Variants in FUT4 observed in about 807,000 individuals in gnomAD.
The protein encoded by FUT4 is fucosyltransferase 4, also known as alpha-(1,3)-fucosyltransferase 4.
FUT4 carries 1 observed loss-of-function variant against 3.8 expected under a neutral mutation model. The ratio of observed to expected loss-of-function variants is 0.26; its 90% CI spans 0.09 to 1.25. The LOEUF is 1.25. Among genes scored for constraint, FUT4 ranks in the 50% most tolerant of loss-of-function variants. The probability of loss-of-function intolerance (pLI) is 0.47; values close to 1 mark genes in which losing one functional copy is unlikely to be tolerated. For synonymous variants in FUT4, 417 were observed against 355.3 expected, an observed-to-expected ratio of 1.17 and a Z score of -1.95; for missense variants, 880 against 768.2, an observed-to-expected ratio of 1.15 and a Z score of -1.72.
chr11:94,546,091 C>T lies in FUT4; in HGVS notation c.*365C>T, dbSNP rs1947858801. 5.2e-6 allele frequency: 2 copies of T among 385,310 alleles called. No individual in the cohort carries two copies. Among genetic ancestry groups the T allele is most frequent in the East Asian group, 6.9e-5 (1 of 14,478 alleles). 23.9% of individuals were successfully genotyped at this position (385,310 alleles called of 1,614,324 possible). A position where few individuals can be genotyped will look rare whatever the true frequency, so the allele number is the denominator to read the frequency against. ...ATCTGCCACAGGCCATATTTGTGGC[C>T]CGTGCAGCTTCCAAATCTCATACAC... On this transcript the variant is annotated 3_prime_UTR_variant, in exon 1 of 1. Transcript: ENST00000358752.
At position 94,544,913 on chromosome 11, in the gene FUT4, C is replaced by G. The variant is rs745830051; in HGVS notation, c.780C>G (p.Ala260=). Residue 260 remains alanine, a synonymous_variant, in exon 1 of 1, where the codon GCC becomes GCG. Transcript: ENST00000358752. ...PPPWGIQAHT[A]EEVDLRVLDY... Reference sequence around the variant, plus strand: ...CCTGGGGCATCCAGGCGCACACTGCCGAGGAGGTGGATCTGCGCGTGTTGG... The same window carrying G: ...CCTGGGGCATCCAGGCGCACACTGCGGAGGAGGTGGATCTGCGCGTGTTGG... The G allele has an allele frequency of 4.4e-6, 7 of 1,608,710 alleles. No individual in the cohort carries two copies. Among genetic ancestry groups the G allele is most frequent in the South Asian group, 2.2e-5 (2 of 90,652 alleles).
Position 94,544,450 on chromosome 11 carries a change from G to T in FUT4, c.317G>T (p.Cys106Phe). 2 of 1,509,506 alleles carry T rather than the reference G, an allele frequency of 1.3e-6. No individual in the cohort carries two copies. Among genetic ancestry groups the T allele is most frequent in the South Asian group, 1.2e-5 (1 of 82,068 alleles). The allele number at this position is 1,509,506 out of a possible 1,614,324, so 93.5% of individuals were successfully genotyped here. ...LEPQLQHESR[C>F]RSSTPADAWR... is the part of the protein sequence containing the mutation. ...CCGCAGCTACAGCATGAGAGCCGGT[G>T]CCGCTCCTCCACGCCTGCGGACGCG... The change falls in exon 1 of 1, where the codon TGC becomes TTC. Residue 106 changes from cysteine to phenylalanine, a missense_variant. Physicochemically the swap from Cys to Phe is radical, Grantham distance 205. Coordinates refer to ENST00000358752, the MANE Select transcript of FUT4 (RefSeq NM_002033.4).
chr11:94,545,206 CA>C lies in FUT4; in HGVS notation c.1074del (p.Trp359GlyfsTer3), dbSNP rs1565259152. ...CTGTCCAGGAAACAGGGGCTGGTGG[CA>C]TGGGTGGTGAGCCACTGGGACGAGC... ...PPLSRKQGLV[A>X]WVVSHWDERQ... On this transcript the variant is annotated frameshift_variant, in exon 1 of 1. Transcript: ENST00000358752. LOFTEE classifies it low-confidence loss of function (END_TRUNC). 1 of 1,610,996 alleles carries C rather than the reference CA, an allele frequency of 6.2e-7. No homozygotes were observed. The highest frequency in any genetic ancestry group is 1.1e-5 in the South Asian group (1 of 91,034).
rs1947857907 is a variant in FUT4, at chr11:94,546,015, T to A, written c.*289T>A. 3.8e-6 allele frequency: 2 copies of A among 520,486 alleles called. No individual in the cohort carries two copies. Among genetic ancestry groups the A allele is most frequent in the Admixed American group, 5.9e-5 (2 of 33,730 alleles). The allele number at this position is 520,486 out of a possible 1,614,324, so 32.2% of individuals were successfully genotyped here. On this transcript the variant is annotated 3_prime_UTR_variant, in exon 1 of 1. Coordinates refer to ENST00000358752, the MANE Select transcript of FUT4 (RefSeq NM_002033.4). Reference sequence around the variant, plus strand: ...CCTCACCTTGTAACCAGTGCAGAAATGAAATAGCTTAGCGGCAAGAAGCCG... The same window carrying A: ...CCTCACCTTGTAACCAGTGCAGAAAAGAAATAGCTTAGCGGCAAGAAGCCG...
At position 94,544,716 on chromosome 11, in the gene FUT4, T is replaced by C; in HGVS notation, c.583T>C (p.Trp195Arg). Reference sequence around the variant, plus strand: ...GCGACCGGTGGGCGTGCTGCTGTGGTGGGAGCCCTTCGGGGGGCGCGATAG... The same window carrying C: ...GCGACCGGTGGGCGTGCTGCTGTGGCGGGAGCCCTTCGGGGGGCGCGATAG... ...PSRPVGVLLW[W>R]EPFGGRDSAP... The change falls in exon 1 of 1, where the codon TGG becomes CGG. Residue 195 changes from tryptophan (W) to arginine (R), a missense_variant. Physicochemically the swap from Trp to Arg is moderately radical, Grantham distance 101 (BLOSUM62 -3). Coordinates refer to ENST00000358752, the MANE Select transcript of FUT4 (RefSeq NM_002033.4). 1.3e-6 allele frequency: 2 copies of C among 1,528,074 alleles called. No homozygotes were observed. The highest frequency in any genetic ancestry group is 1.7e-6 in the Non-Finnish European group (2 of 1,145,450). The allele number at this position is 1,528,074 out of a possible 1,614,324, so 94.7% of individuals were successfully genotyped here.
chr11:94,547,220 C>A lies in FUT4; in HGVS notation c.*1494C>A, dbSNP rs1226031887. 1 of 166,930 alleles carries A rather than the reference C, an allele frequency of 6.0e-6. No individual in the cohort carries two copies. The highest frequency in any genetic ancestry group is 1.5e-5 in the Non-Finnish European group (1 of 68,110). The allele number at this position is 166,930 out of a possible 1,614,324, so 10.3% of individuals were successfully genotyped here. ...TTAGGGCTCTTACAATCTATCACTTCCAAAAAGTAAATGGTGACTGATAAA... is the reference window on the plus strand; with the variant it reads ...TTAGGGCTCTTACAATCTATCACTTACAAAAAGTAAATGGTGACTGATAAA... On this transcript the variant is annotated 3_prime_UTR_variant, in exon 1 of 1. Coordinates refer to ENST00000358752, the MANE Select transcript of FUT4 (RefSeq NM_002033.4).
rs1947864732 is a variant in FUT4, at chr11:94,546,657, CAGAAG to C, written c.*937_*941del. On this transcript the variant is annotated 3_prime_UTR_variant, in exon 1 of 1. Transcript: ENST00000358752. ...CAGAAAACCAGTCTGTGTTTACAGA[CAGAAG>C]AGAAGGAAGCCATAGTGTCACTTCC... 6.0e-6 allele frequency: 1 copy of C among 166,366 alleles called. No individual in the cohort carries two copies. The highest frequency in any genetic ancestry group is 6.6e-5 in the Admixed American group (1 of 15,262). The allele number at this position is 166,366 out of a possible 1,614,324, so 10.3% of individuals were successfully genotyped here.
Position 94,547,623 on chromosome 11 carries a change from GAATTAC to G in FUT4, c.*1906_*1911del, listed in dbSNP as rs1433005328. 1.2e-5 allele frequency: 2 copies of G among 167,004 alleles called. No homozygotes were observed. Among genetic ancestry groups the G allele is most frequent in the Admixed American group, 6.5e-5 (1 of 15,290 alleles). 10.3% of individuals were successfully genotyped at this position (167,004 alleles called of 1,614,324 possible). A position where few individuals can be genotyped will look rare whatever the true frequency, so the allele number is the denominator to read the frequency against. On this transcript the variant is annotated 3_prime_UTR_variant, in exon 1 of 1. Transcript: ENST00000358752. ...TCATTAAAGTATTAAAGTGTGGGCAGAATTACAATTACAAAGTGCCAGCCACCGAAT... is the reference window on the plus strand; with the variant it reads ...TCATTAAAGTATTAAAGTGTGGGCAGAATTACAAAGTGCCAGCCACCGAAT...
Position 94,545,581 on chromosome 11 carries a change from G to A in FUT4, c.1448G>A (p.Arg483His), listed in dbSNP as rs1421974728. 35 of 1,613,342 alleles carry A rather than the reference G, an allele frequency of 2.2e-5. No homozygotes were observed. The highest frequency in any genetic ancestry group is 3.3e-5 in the Admixed American group (2 of 60,000). ...CTCGACCGCAACCCCGCGGTCTATCGCCGCTACTTCCACTGGCGCCGGAGC... is the reference window on the plus strand; with the variant it reads ...CTCGACCGCAACCCCGCGGTCTATCACCGCTACTTCCACTGGCGCCGGAGC... ...LFLDRNPAVY[R>H]RYFHWRRSYA... Residue 483 changes from arginine to histidine, a missense_variant, in exon 1 of 1, where the codon CGC becomes CAC. Around this residue, in one of 3 missense-constraint regions of FUT4, gnomAD observed 424 missense variants for 400.4 expected, o/e 1.06. Transcript: ENST00000358752.
rs778526273 is a variant in FUT4 at position 94,545,044 on chromosome 11, C to T, written c.911C>T (p.Pro304Leu). ...AACTTCGAGTCGCCCTCGCACTCCC[C>T]GGGGCTGCGAAGCCTGGCAAGTAAC... The part of the protein sequence containing the change: ...WMNFESPSHS[P>L]GLRSLASNLF... Residue 304 changes from proline to leucine, a missense_variant, in exon 1 of 1, where the codon CCG becomes CTG. By Grantham distance (98) the Pro-to-Leu change is moderately conservative. Around this residue, in one of 3 missense-constraint regions of FUT4, gnomAD observed 424 missense variants for 400.4 expected, o/e 1.06. Coordinates refer to ENST00000358752, the MANE Select transcript of FUT4 (RefSeq NM_002033.4). 1.9e-6 allele frequency: 3 copies of T among 1,612,034 alleles called. No individual in the cohort carries two copies. The highest frequency in any genetic ancestry group is 8.5e-7 in the Non-Finnish European group (1 of 1,179,398).
chr11:94,546,607 C>G lies in FUT4; in HGVS notation c.*881C>G, dbSNP rs1427027831. On this transcript the variant is annotated 3_prime_UTR_variant, in exon 1 of 1. Transcript: ENST00000358752. Reference sequence around the variant, plus strand: ...TAAAATTACAGATGTGAAAATAAAGCAGAAGCAACCTTTTTCCCTCTTCCC... The same window carrying G: ...TAAAATTACAGATGTGAAAATAAAGGAGAAGCAACCTTTTTCCCTCTTCCC... 1.2e-5 allele frequency: 2 copies of G among 166,390 alleles called. No homozygotes were observed. Among genetic ancestry groups the G allele is most frequent in the Non-Finnish European group, 2.9e-5 (2 of 68,106 alleles). 10.3% of individuals were successfully genotyped at this position (166,390 alleles called of 1,614,324 possible).
At position 94,544,591 on chromosome 11, in the gene FUT4, T is replaced by A; in HGVS notation, c.458T>A (p.Val153Asp). 6.9e-7 allele frequency: 1 copy of A among 1,445,614 alleles called. No individual in the cohort carries two copies. The highest frequency in any genetic ancestry group is 9.0e-7 in the Non-Finnish European group (1 of 1,109,450). 89.5% of individuals were successfully genotyped at this position (1,445,614 alleles called of 1,614,324 possible). ...WRRGRGLPWTVCVLAAAGLTC... is the reference protein window; with the variant it reads ...WRRGRGLPWTDCVLAAAGLTC... ...CGAGGCCGGGGGCTGCCATGGACCG[T>A]CTGTGTGCTGGCGGCCGCCGGCTTG... The change falls in exon 1 of 1, where the codon GTC (valine) becomes GAC (aspartate). Residue 153 changes from valine to aspartate, a missense_variant. This residue lies in a region of FUT4 where 447 missense variants were observed against 339.5 expected (regional missense o/e 1.32). Transcript: ENST00000358752.
chr11:94,545,039 C>G lies in FUT4; in HGVS notation c.906C>G (p.His302Gln), dbSNP rs138386205. The G allele has an allele frequency of 2.5e-6, 4 of 1,611,582 alleles. No individual in the cohort carries two copies. The highest frequency in any genetic ancestry group is 3.4e-6 in the Non-Finnish European group (4 of 1,179,032). Residue 302 changes from histidine (H) to glutamine (Q), a missense_variant, in exon 1 of 1, where the codon CAC (histidine) becomes CAG (glutamine). Around this residue, in one of 3 missense-constraint regions of FUT4, gnomAD observed 424 missense variants for 400.4 expected, o/e 1.06. Coordinates refer to ENST00000358752, the MANE Select transcript of FUT4 (RefSeq NM_002033.4). ...GGATGAACTTCGAGTCGCCCTCGCA[C>G]TCCCCGGGGCTGCGAAGCCTGGCAA... The part of the protein sequence containing the change: ...WVWMNFESPS[H>Q]SPGLRSLASN...
rs1947849520 is a variant in FUT4 at position 94,545,439 on chromosome 11, G to A, written c.1306G>A (p.Val436Met). 1.9e-6 allele frequency: 3 copies of A among 1,613,192 alleles called. No individual in the cohort carries two copies. The highest frequency in any genetic ancestry group is 2.5e-6 in the Non-Finnish European group (3 of 1,179,728). Residue 436 changes from valine (V) to methionine (M), a missense_variant, in exon 1 of 1, where the codon GTG becomes ATG. Val to Met is a conservative substitution (Grantham distance 21). Around this residue, in one of 3 missense-constraint regions of FUT4, gnomAD observed 424 missense variants for 400.4 expected, o/e 1.06. Transcript: ENST00000358752. Reference sequence around the variant, plus strand: ...GCGCAACGCGTTGCTCGCTGGGGCGGTGCCGGTGGTGCTGGGCCCAGACCG... The same window carrying A: ...GCGCAACGCGTTGCTCGCTGGGGCGATGCCGGTGGTGCTGGGCCCAGACCG... ...LWRNALLAGAVPVVLGPDRAN... is the reference protein window; with the variant it reads ...LWRNALLAGAMPVVLGPDRAN...
rs1181307204 is a variant in FUT4 at position 94,545,372 on chromosome 11, C to G, written c.1239C>G (p.Phe413Leu). ...CCCGCTACAAGTTCTACCTGGCTTT[C>G]GAGAACTCGCAGCACCTGGATTATA... ...TVARYKFYLA[F>L]ENSQHLDYIT... Residue 413 changes from phenylalanine to leucine, a missense_variant, in exon 1 of 1, where the codon TTC (phenylalanine) becomes TTG (leucine). Phe to Leu is a conservative substitution (Grantham distance 22, BLOSUM62 0). Coordinates refer to ENST00000358752, the MANE Select transcript of FUT4 (RefSeq NM_002033.4). 1 of 1,612,966 alleles carries G rather than the reference C, an allele frequency of 6.2e-7. No homozygotes were observed. Among genetic ancestry groups the G allele is most frequent in the Non-Finnish European group, 8.5e-7 (1 of 1,179,830 alleles).
chr11:94,546,134 G>A lies in FUT4; in HGVS notation c.*408G>A, dbSNP rs528347683. ...TCATACACAACTGTTCCCGATTCAC[G>A]TTTTTCTGGACCAAGGTGAAGCAAA... is the stretch of plus-strand genomic sequence containing the variant. On this transcript the variant is annotated 3_prime_UTR_variant, in exon 1 of 1. Transcript: ENST00000358752. The A allele has an allele frequency of 2.3e-5, 8 of 352,168 alleles. No individual in the cohort carries two copies. The highest frequency in any genetic ancestry group is 2.0e-4 in the Admixed American group (5 of 25,468). 21.8% of individuals were successfully genotyped at this position (352,168 alleles called of 1,614,324 possible). A position where few individuals can be genotyped will look rare whatever the true frequency, so the allele number is the denominator to read the frequency against.
rs1367211062 is a variant in FUT4 at position 94,546,909 on chromosome 11, G to T, written c.*1183G>T. On this transcript the variant is annotated 3_prime_UTR_variant, in exon 1 of 1. Coordinates refer to ENST00000358752, the MANE Select transcript of FUT4 (RefSeq NM_002033.4). ...TGTTTAGATCCTCAGAACTACATTA[G>T]TGCCTACTATTAACTTACTCTGTCT... 2 of 167,096 alleles carry T rather than the reference G, an allele frequency of 1.2e-5. No individual in the cohort carries two copies. Among genetic ancestry groups the T allele is most frequent in the Admixed American group, 6.5e-5 (1 of 15,276 alleles). 10.4% of individuals were successfully genotyped at this position (167,096 alleles called of 1,614,324 possible). A position where few individuals can be genotyped will look rare whatever the true frequency, so the allele number is the denominator to read the frequency against.
chr11:94,545,521 C>T lies in FUT4; in HGVS notation c.1388C>T (p.Pro463Leu). The T allele has an allele frequency of 6.2e-7, 1 of 1,613,836 alleles. No homozygotes were observed. The highest frequency in any genetic ancestry group is 8.5e-7 in the Non-Finnish European group (1 of 1,180,018). Reference protein sequence around the residue: ...RGAFIHVDDFPSASSLASYLL... With the variant: ...RGAFIHVDDFLSASSLASYLL... ...GCCTTCATCCACGTGGACGACTTCCCAAGTGCCTCCTCCCTGGCCTCGTAC... is the reference window on the plus strand; with the variant it reads ...GCCTTCATCCACGTGGACGACTTCCTAAGTGCCTCCTCCCTGGCCTCGTAC... The change falls in exon 1 of 1, where the codon CCA becomes CTA. Residue 463 changes from proline to leucine, a missense_variant. Pro to Leu is a moderately conservative substitution (Grantham distance 98). Coordinates refer to ENST00000358752, the MANE Select transcript of FUT4 (RefSeq NM_002033.4).
rs1442676860 is a variant in FUT4, at chr11:94,545,480, C to T, written c.1347C>T (p.Arg449=). ...VLGPDRANYE[R]FVPRGAFIHV... is the part of the protein sequence containing the mutation. ...GCCCAGACCGTGCCAACTACGAGCG[C>T]TTTGTGCCCCGCGGCGCCTTCATCC... Residue 449 remains arginine (R), a synonymous_variant, in exon 1 of 1, where the codon CGC becomes CGT. Transcript: ENST00000358752. 5 of 1,613,680 alleles carry T rather than the reference C, an allele frequency of 3.1e-6. No individual in the cohort carries two copies. The highest frequency in any genetic ancestry group is 1.3e-5 in the African/African-American group (1 of 75,072).
Sources: allele counts gnomAD v4.1 joint callset, GRCh38; gene constraint gnomAD v4.1.1; regional missense constraint gnomAD v4.1.1; transcripts MANE v1.5; gene names NCBI Gene and HGNC (gene_info 2026-07-23, HGNC 2026-07-21).